NPAS2: variants seen among roughly 807,000 people sequenced by gnomAD.
NPAS2 encodes the protein neuronal PAS domain-containing protein 2.
Under a neutral mutation model 107.5 loss-of-function variants are expected in NPAS2, and 23 were observed. The observed-to-expected ratio is 0.21, with a 90% confidence interval of 0.15 to 0.30. The LOEUF is 0.30. Among genes scored for constraint, NPAS2 ranks in the 10% least tolerant of loss-of-function variants. The probability of loss-of-function intolerance (pLI) is 1.00; values close to 1 mark genes in which losing one functional copy is unlikely to be tolerated. For synonymous variants in NPAS2, 403 were observed against 417.5 expected (o/e 0.97, Z 0.42); for missense variants, 756 against 1,043.3 (o/e 0.72, Z 3.79).
In NPAS2 at chr2:100,988,032, AG is replaced by A. The variant is rs766998405; in HGVS notation, c.1630-45del. 1.1e-5 allele frequency: 18 copies of A among 1,596,782 alleles called. No homozygotes were observed. The South Asian group carries it at 2.0e-4, about 18-fold the overall frequency. ...AATGCAAAGGAGGTGCACACTGGTG[AG>A]GTACCCATGACCCCAACTTCACAGG... is the stretch of plus-strand genomic sequence containing the variant. On this transcript the variant is annotated intron_variant, in intron 16 of 20. Coordinates refer to ENST00000335681, the MANE Select transcript of NPAS2 (RefSeq NM_002518.4).
chr2:100,903,983 G>C (rs573606229), intron 1 of NPAS2, among the ~76,000 whole-genome samples: 1 of 152,120 alleles, frequency 6.6e-6, no homozygotes, highest in African/African-American at 2.4e-5. Flanking sequence ...TAGAGGCTCC[G>C]GTGTTGAGGA....
chr2:100,851,835 C>T (rs1305846105), intron 1 of NPAS2, among the ~76,000 whole-genome samples: 1 of 152,130 alleles, frequency 6.6e-6, no homozygotes, highest in African/African-American at 2.4e-5. Context: ...TTGTCTGGGT[C>T]TTCCGGGTTT....
intron 16 of NPAS2, chr2:100,987,659 A>G (rs936380952): frequency 5.9e-6 from 1 of 170,650 alleles, no homozygotes; most frequent in Admixed American, 6.1e-5. Flanking sequence ...CAGGTGAGCC[A>G]TCCCTCTGCC....
At chr2:100,962,020 A>C (rs1187901945) in intron 7 of NPAS2, among the ~76,000 whole-genome samples, 1 of 152,008 alleles carries the variant, frequency 6.6e-6, no homozygotes, top group Non-Finnish European at 1.5e-5. Flanking sequence ...CTTTTTTTTA[A>C]TTATGCGGAT....
At chr2:100,994,375 T>A (rs1391768893) in intron 20 of NPAS2, 1 of 152,286 alleles carries the variant, frequency 6.6e-6, no homozygotes, top group Non-Finnish European at 1.5e-5. Flanking sequence ...TTTTCAGATC[T>A]CCCTGACCCC....
intron 1 of NPAS2, among the ~76,000 whole-genome samples, chr2:100,873,289 TATATATATATATATATATACACAC>T (rs1396257608): frequency 5.4e-4 from 23 of 42,402 alleles, no homozygotes; most frequent in South Asian, 9.8e-4. Flanking sequence ...TATATATATA[TATATATATATATATATATACACAC>T]ACACACACAC....
At chr2:100,937,987 G>A in intron 5 of NPAS2, 145 bp downstream of exon 5, 2 of 730,662 alleles carry the variant, frequency 2.7e-6, no homozygotes, top group Non-Finnish European at 4.8e-6. Flanking sequence ...TGAGTTTTGG[G>A]GACAGGACCA....
At chr2:100,825,685 G>A (rs3914337) in intron 1 of NPAS2, among the ~76,000 whole-genome samples, 8,577 of 152,226 alleles carry the variant, frequency 0.056, 833 homozygotes, top group African/African-American at 0.19. Flanking sequence ...GTGAGCATGC[G>A]GACCCTGTTC....
intron 3 of NPAS2, among the ~76,000 whole-genome samples, chr2:100,926,853 T>A (rs560028694): frequency 6.6e-6 from 1 of 152,270 alleles, no homozygotes; most frequent in East Asian, 1.9e-4. Context: ...GCATTCTATC[T>A]AAGAAATCAT....
intron 1 of NPAS2, among the ~76,000 whole-genome samples, chr2:100,903,539 G>T (rs956996647): frequency 6.6e-6 from 1 of 152,180 alleles, no homozygotes; most frequent in Non-Finnish European, 1.5e-5. Context: ...AGATTGATTG[G>T]CTCCATTGAA....
At chr2:100,828,688 T>C (rs1318678319) in intron 1 of NPAS2, among the ~76,000 whole-genome samples, 1 of 152,214 alleles carries the variant, frequency 6.6e-6, no homozygotes, top group East Asian at 1.9e-4. Flanking sequence ...TCAACTTTGT[T>C]GATGCTCAGA....
intron 1 of NPAS2, among the ~76,000 whole-genome samples, chr2:100,855,130 T>C (rs1348172471): frequency 6.6e-6 from 1 of 152,220 alleles, no homozygotes; most frequent in Non-Finnish European, 1.5e-5. Context: ...ATGTGACTCA[T>C]ATTATATTTC....
rs1676075347 is a variant in NPAS2, at chr2:100,964,110, G to T, written c.651G>T (p.Arg217=). 1 of 1,614,056 alleles carries T rather than the reference G, an allele frequency of 6.2e-7. No individual in the cohort carries two copies. The highest frequency in any genetic ancestry group is 8.5e-7 in the Non-Finnish European group (1 of 1,179,994). ...GFDNTLSRPC[R]VPLGKEVCFI... ...ACAACACCCTTTCAAGACCTTGCCG[G>T]GTGCCACTAGGAAAGGAGGTTTGCT... The change falls in exon 8 of 21, where the codon CGG becomes CGT. Residue 217 remains arginine (R), a synonymous_variant. Coordinates refer to ENST00000335681, the MANE Select transcript of NPAS2 (RefSeq NM_002518.4).
intron 1 of NPAS2, among the ~76,000 whole-genome samples, chr2:100,854,221 C>T (rs953480544): frequency 2.7e-5 from 4 of 147,378 alleles, no homozygotes; most frequent in Non-Finnish European, 6.0e-5. Context: ...GGTGACCTCT[C>T]TGTGGCGTGG....
At chr2:100,822,771 T>A (rs955919202) in intron 1 of NPAS2, 5 of 152,192 alleles carry the variant, frequency 3.3e-5, no homozygotes, top group Non-Finnish European at 5.9e-5. Flanking sequence ...CCATGCTGAT[T>A]CCATGCACGG....
chr2:100,847,456 G>A (rs1164353317), intron 1 of NPAS2, among the ~76,000 whole-genome samples: 7 of 151,974 alleles, frequency 4.6e-5, no homozygotes, highest in East Asian at 3.9e-4. Flanking sequence ...TGCAAGCTCC[G>A]CCTCCCGGGT....
intron 1 of NPAS2, among the ~76,000 whole-genome samples, chr2:100,842,057 TCATG>T (rs1486175890): frequency 8.5e-6 from 1 of 117,100 alleles, no homozygotes; most frequent in African/African-American, 2.8e-5. Context: ...ACATGCATGT[TCATG>T]CATGAGTGTG....
At chr2:100,858,077 A>C (rs912386428) in intron 1 of NPAS2, among the ~76,000 whole-genome samples, 1 of 152,252 alleles carries the variant, frequency 6.6e-6, no homozygotes, top group Non-Finnish European at 1.5e-5. Flanking sequence ...GTTTGTTTGC[A>C]TGATAGTCCT....
intron 4 of NPAS2, among the ~76,000 whole-genome samples, chr2:100,935,284 TC>T (rs1211438072): frequency 1.3e-5 from 2 of 152,150 alleles, no homozygotes; most frequent in African/African-American, 4.8e-5. Context: ...CCAGAGGTTG[TC>T]CCAAGGAACA....
Sources: allele counts gnomAD v4.1 joint callset (sites outside exome capture counted in the v4.1 genomes callset), GRCh38; gene constraint gnomAD v4.1.1; transcripts MANE v1.5; gene names NCBI Gene and HGNC (gene_info 2026-07-23, HGNC 2026-07-21).